The following SYT1 variants were observed in gnomAD, a reference collection of about 807,000 sequenced individuals.
SYT1 encodes synaptotagmin-1.
A neutral mutation model predicts 44.8 loss-of-function variants in SYT1; 8 were observed. The ratio of observed to expected loss-of-function variants is 0.18; its 90% CI spans 0.10 to 0.32. SYT1 has a LOEUF of 0.32. Among genes scored for constraint, SYT1 ranks in the 10% least tolerant of loss-of-function variants. The pLI is 1.00. For missense variants in SYT1, 286 were observed against 509.3 expected (o/e 0.56, Z 4.22); for synonymous variants, 154 against 188.8 (o/e 0.82, Z 1.51).
chr12:79,310,227 C>G (rs977315842), intron 8 of SYT1, among the ~76,000 whole-genome samples: 1 of 152,020 alleles, frequency 6.6e-6, no homozygotes, highest in African/African-American at 2.4e-5. Context: ...TTTCAGCTTT[C>G]TACATATGGC....
chr12:79,037,909 A>G (rs1873242609), intron 2 of SYT1, among the ~76,000 whole-genome samples: 1 of 151,834 alleles, frequency 6.6e-6, no homozygotes, highest in Non-Finnish European at 1.5e-5. Flanking sequence ...TGCTTAATGA[A>G]CAAAATAAAA....
chr12:78,865,739 G>C (rs762332344), intron 1 of SYT1, among the ~76,000 whole-genome samples: 6 of 152,116 alleles, frequency 3.9e-5, no homozygotes, highest in Non-Finnish European at 2.9e-5. Flanking sequence ...TCTCTCACTT[G>C]ATTCGTTCAA....
At chr12:79,300,281 C>A (rs1469929486) in intron 8 of SYT1, among the ~76,000 whole-genome samples, 3 of 152,052 alleles carry the variant, frequency 2.0e-5, no homozygotes, top group South Asian at 2.1e-4. Context: ...TTCAGTAGAC[C>A]AATACTAGAA....
chr12:78,979,715 T>G (rs1869105518), intron 2 of SYT1, among the ~76,000 whole-genome samples: 1 of 152,126 alleles, frequency 6.6e-6, no homozygotes, highest in South Asian at 2.1e-4. Flanking sequence ...ATTAAAATTT[T>G]AATATTTAGT....
chr12:78,894,823 G>GT lies in SYT1; in HGVS notation c.-217+29715dup, dbSNP rs147601854. Among the ~76,000 whole-genome samples, 1,483 of 151,466 alleles carry GT rather than the reference G, an allele frequency of 9.8e-3. 32 individuals are homozygous for GT. The highest frequency in any genetic ancestry group is 0.034 in the African/African-American group (1,399 of 41,446). On this transcript the variant is annotated intron_variant, in intron 1 of 10. Coordinates refer to ENST00000261205, the MANE Select transcript of SYT1 (RefSeq NM_005639.3). Reference sequence around the variant, plus strand: ...ACAAAATTTCAGTTAGACAAGAAGAGTAAGTTTAAGAGACCTATTGTACAT... The same window carrying GT: ...ACAAAATTTCAGTTAGACAAGAAGAGTTAAGTTTAAGAGACCTATTGTACAT...
chr12:79,398,960 C>T (rs937228522), intron 9 of SYT1, among the ~76,000 whole-genome samples: 2 of 152,234 alleles, frequency 1.3e-5, no homozygotes, highest in African/African-American at 2.4e-5. Context: ...CAGCTCAACA[C>T]GACCATACGA....
At chr12:79,179,541 A>G (rs1310874404) in intron 3 of SYT1, among the ~76,000 whole-genome samples, 2 of 21,494 alleles carry the variant, frequency 9.3e-5, no homozygotes, top group Non-Finnish European at 2.0e-4. Context: ...AGATATAGAT[A>G]TAGAGATATA....
rs1302224295 is a variant in SYT1 at position 79,082,953 on chromosome 12, T to C, written c.-18+35591T>C. On this transcript the variant is annotated intron_variant, in intron 3 of 10. Coordinates refer to ENST00000261205, the MANE Select transcript of SYT1 (RefSeq NM_005639.3). ...AAATTTTTTAATGAAAAAACAAAAA[T>C]AAAATAAGCAATAAAAGAAATGATT... Among the ~76,000 whole-genome samples the C allele has an allele frequency of 4.8e-5, 7 of 146,922 alleles. No homozygotes were observed. In the East Asian group the frequency reaches 1.4e-3, roughly 29 times the overall value.
At chr12:79,387,520 T>C (rs1884483313) in intron 9 of SYT1, among the ~76,000 whole-genome samples, 1 of 152,208 alleles carries the variant, frequency 6.6e-6, no homozygotes, top group African/African-American at 2.4e-5. Context: ...TTATTGTTTT[T>C]TACTAAATGA....
In SYT1 at chr12:79,292,023, G is replaced by T; in HGVS notation, c.367G>T (p.Asp123Tyr). 1 of 1,613,900 alleles carries T rather than the reference G, an allele frequency of 6.2e-7. No homozygotes were observed. Among genetic ancestry groups the T allele is most frequent in the South Asian group, 1.1e-5 (1 of 91,058 alleles). ...TMKDQALKDD[D>Y]AETGLTDGEE... ...CTATACATAGGCCCTCAAGGATGATGATGCTGAAACTGGATTGACAGATGG... is the reference window on the plus strand; with the variant it reads ...CTATACATAGGCCCTCAAGGATGATTATGCTGAAACTGGATTGACAGATGG... Residue 123 changes from aspartate to tyrosine, a missense_variant, in exon 6 of 11, where the codon GAT becomes TAT. Coordinates refer to ENST00000261205, the MANE Select transcript of SYT1 (RefSeq NM_005639.3).
rs187048458 is a variant in SYT1, at chr12:79,358,482, T to C, written c.928+4863T>C. 2.5e-3 allele frequency among the ~76,000 whole-genome samples: 376 copies of C among 152,336 alleles called. 7 individuals are homozygous for C. Among genetic ancestry groups the C allele is most frequent in the Admixed American group, 0.022 (344 of 15,306 alleles). ...CTTTCTGAAGATAGCATTCTGATTT[T>C]ACCAGTGAGAAAATTGAAGCTTAGA... On this transcript the variant is annotated intron_variant, in intron 9 of 10. Transcript: ENST00000261205.
At chr12:79,107,269 T>G (rs1878768995) in intron 3 of SYT1, among the ~76,000 whole-genome samples, 2 of 151,942 alleles carry the variant, frequency 1.3e-5, no homozygotes, top group South Asian at 4.1e-4. Flanking sequence ...AATGTTATTT[T>G]GAAATTCAAG....
intron 1 of SYT1, among the ~76,000 whole-genome samples, chr12:78,896,513 T>G (rs1875366953): frequency 6.6e-6 from 1 of 151,742 alleles, no homozygotes; most frequent in Admixed American, 6.6e-5. Context: ...TGAAACATGT[T>G]TTTAAGGAAA....
chr12:79,076,680 C>T (rs954571868), intron 3 of SYT1, among the ~76,000 whole-genome samples: 4 of 152,108 alleles, frequency 2.6e-5, no homozygotes, highest in African/African-American at 7.2e-5. Flanking sequence ...GTGGCTCACA[C>T]CTGTAATTCC....
rs572522056 is a variant in SYT1 at position 79,443,192 on chromosome 12, T to C, written c.929-881T>C. Among the ~76,000 whole-genome samples the C allele has an allele frequency of 3.9e-5, 6 of 152,268 alleles. No homozygotes were observed. In the East Asian group the frequency reaches 1.2e-3, roughly 29 times the overall value. On this transcript the variant is annotated intron_variant, in intron 9 of 10. Transcript: ENST00000261205. The stretch of plus-strand genomic sequence containing the variant: ...ATTACTTCAGTGTGTACCGGTCTCT[T>C]CTCTTTTCCTCGAACACTTGAAGTT...
At chr12:79,131,122 T>A (rs1668099401) in intron 3 of SYT1, among the ~76,000 whole-genome samples, 1 of 152,080 alleles carries the variant, frequency 6.6e-6, no homozygotes, top group African/African-American at 2.4e-5. Context: ...GTTTTCTTTT[T>A]TTTTTTTTCT....
intron 1 of SYT1, among the ~76,000 whole-genome samples, chr12:78,942,860 C>A (rs1019264915): frequency 6.6e-6 from 1 of 152,138 alleles, no homozygotes; most frequent in East Asian, 1.9e-4. Flanking sequence ...AGTTGGTTGA[C>A]CCTGCAGCCA....
chr12:79,133,292 G>T (rs1387352988), intron 3 of SYT1, among the ~76,000 whole-genome samples: 1 of 152,114 alleles, frequency 6.6e-6, no homozygotes, highest in East Asian at 1.9e-4. Context: ...GCCGAGGTGG[G>T]AGAATCACTT....
At chr12:79,181,527 C>G (rs1872545598) in intron 3 of SYT1, among the ~76,000 whole-genome samples, 1 of 151,802 alleles carries the variant, frequency 6.6e-6, no homozygotes, top group Non-Finnish European at 1.5e-5. Flanking sequence ...CTTCCAGGGC[C>G]CCCACTCTTC....
Sources: allele counts gnomAD v4.1 joint callset (sites outside exome capture counted in the v4.1 genomes callset), GRCh38; gene constraint gnomAD v4.1.1; transcripts MANE v1.5; gene names NCBI Gene and HGNC (gene_info 2026-07-23, HGNC 2026-07-21).